ZBTB5: variants seen among roughly 807,000 people sequenced by gnomAD.
ZBTB5 encodes the protein zinc finger and BTB domain-containing protein 5.
ZBTB5 carries 15 observed loss-of-function variants against 37.9 expected under a neutral mutation model. The ratio of observed to expected loss-of-function variants is 0.40; its 90% confidence interval spans 0.26 to 0.61. The LOEUF (loss-of-function observed/expected upper bound fraction) is 0.61. Ranked by LOEUF, ZBTB5 falls within the 20% of genes least tolerant of loss-of-function variation. ZBTB5 has a pLI of 0.47. For missense variants in ZBTB5, 708 were observed against 856.8 expected (o/e 0.83, Z 2.17); for synonymous variants, 315 against 312.4 (o/e 1.01, Z -0.09).
At chr9:37,448,074 T>C (rs796334038) in intron 1 of ZBTB5, among the ~76,000 whole-genome samples, 2 of 152,088 alleles carry the variant, frequency 1.3e-5, no homozygotes, top group South Asian at 4.2e-4. Flanking sequence ...CAGGGGATCT[T>C]TGAAAAGAGG....
Position 37,440,936 on chromosome 9 carries a change from G to A in ZBTB5, c.1616C>T (p.Ala539Val). ...ASNFPYYRRI[A>V]PKMPVVTSVR... ...GGAAGTTACAACTGGCATTTTGGGA[G>A]CTATGCGGCGGTAGTAAGGAAAGTT... is the stretch of plus-strand genomic sequence containing the variant. Residue 539 changes from alanine to valine, a missense_variant, in exon 2 of 2, where the codon GCT (alanine) becomes GTT (valine). Physicochemically the swap from Ala to Val is moderately conservative, Grantham distance 64. This residue lies in a region of ZBTB5 where 639 missense variants were observed against 690.5 expected (regional missense o/e 0.93). Coordinates refer to ENST00000307750, the MANE Select transcript of ZBTB5 (RefSeq NM_014872.3). The A allele has an allele frequency of 1.9e-6, 3 of 1,614,224 alleles. No homozygotes were observed. The highest frequency in any genetic ancestry group is 2.5e-6 in the Non-Finnish European group (3 of 1,180,044).
chr9:37,448,176 C>G (rs925842853), intron 1 of ZBTB5, among the ~76,000 whole-genome samples: 6 of 151,734 alleles, frequency 4.0e-5, no homozygotes, highest in Admixed American at 1.3e-4. Context: ...CTTTTAACTT[C>G]CCATCAGCCT....
At position 37,453,313 on chromosome 9, in the gene ZBTB5, G is replaced by A. The variant is rs7865313; in HGVS notation, c.-4-10758C>T. Among the ~76,000 whole-genome samples, 164 of 151,716 alleles carry A rather than the reference G, an allele frequency of 1.1e-3. 1 individual carries two copies. The highest frequency in any genetic ancestry group is 3.5e-3 in the African/African-American group (144 of 41,368). The stretch of plus-strand genomic sequence containing the variant: ...AGCAATCCTCCCACCTCAGCCTCCC[G>A]TTGGCTGGGATTACAGGCACAGACC... On this transcript the variant is annotated intron_variant, in intron 1 of 1. Coordinates refer to ENST00000307750, the MANE Select transcript of ZBTB5 (RefSeq NM_014872.3).
chr9:37,448,991 C>A (rs1824047142), intron 1 of ZBTB5, among the ~76,000 whole-genome samples: 2 of 152,006 alleles, frequency 1.3e-5, no homozygotes, highest in Admixed American at 6.6e-5. Context: ...GTGCAGTGAG[C>A]CAAGATCACG....
chr9:37,456,659 A>G (rs1436208047), intron 1 of ZBTB5, among the ~76,000 whole-genome samples: 1 of 152,210 alleles, frequency 6.6e-6, no homozygotes, highest in Non-Finnish European at 1.5e-5. Context: ...TTTGAATAAG[A>G]AAAGGTATTA....
intron 1 of ZBTB5, among the ~76,000 whole-genome samples, chr9:37,451,339 G>C (rs1409117853): frequency 6.6e-6 from 1 of 152,094 alleles, no homozygotes; most frequent in African/African-American, 2.4e-5. Flanking sequence ...GGCCGAGGTG[G>C]GTGGATCACT....
chr9:37,444,633 G>A (rs1231772385), intron 1 of ZBTB5, among the ~76,000 whole-genome samples: 2 of 152,164 alleles, frequency 1.3e-5, no homozygotes, highest in African/African-American at 4.8e-5. Context: ...ATTGGCATTC[G>A]TCTTTGCCAC....
chr9:37,445,650 AAAAAAAG>A (rs1823962661), intron 1 of ZBTB5, among the ~76,000 whole-genome samples: 1 of 152,088 alleles, frequency 6.6e-6, no homozygotes, highest in Non-Finnish European at 1.5e-5. Flanking sequence ...TGTCAAAAAA[AAAAAAAG>A]AAAAAAGAAA....
Position 37,441,425 on chromosome 9 carries a change from T to C in ZBTB5, c.1127A>G (p.Asp376Gly), listed in dbSNP as rs757011157. The C allele has an allele frequency of 7.4e-6, 12 of 1,613,762 alleles. No individual in the cohort carries two copies. Among genetic ancestry groups the C allele is most frequent in the Non-Finnish European group, 9.3e-6 (11 of 1,179,978 alleles). The change falls in exon 2 of 2, where the codon GAT (aspartate) becomes GGT (glycine). Residue 376 changes from aspartate (D) to glycine (G), a missense_variant. Transcript: ENST00000307750. The stretch of plus-strand genomic sequence containing the variant: ...AGACTGGGGATCTGAAAAACTCCGA[T>C]CACTGCTTTCAGGGCTGAGGTCTAT... ...EKIDLSPESS[D>G]RSFSDPQSST... is the part of the protein sequence containing the mutation.
Position 37,440,245 on chromosome 9 carries a change from A to C in ZBTB5, c.*273T>G. The stretch of plus-strand genomic sequence containing the variant: ...CAATTTTTAAATTTTTAAATGTGCC[A>C]CTTTTAATATCAATTACAAACTACT... On this transcript the variant is annotated 3_prime_UTR_variant, in exon 2 of 2. Transcript: ENST00000307750. 2.5e-6 allele frequency: 1 copy of C among 408,042 alleles called. No homozygotes were observed. The highest frequency in any genetic ancestry group is 4.4e-5 in the South Asian group (1 of 22,956). The allele number at this position is 408,042 out of a possible 1,614,324, so 25.3% of individuals were successfully genotyped here. A position where few individuals can be genotyped will look rare whatever the true frequency, so the allele number is the denominator to read the frequency against.
In ZBTB5 at chr9:37,438,742, C is replaced by CCTAA. The variant is rs1235532070; in HGVS notation, c.*1772_*1775dup. 1 of 152,246 alleles carries CCTAA rather than the reference C, an allele frequency of 6.6e-6. No individual in the cohort carries two copies. The highest frequency in any genetic ancestry group is 2.4e-5 in the African/African-American group (1 of 41,450). The allele number at this position is 152,246 out of a possible 1,614,324, so 9.4% of individuals were successfully genotyped here. A position where few individuals can be genotyped will look rare whatever the true frequency, so the allele number is the denominator to read the frequency against. ...CATGTAAAGGGTGGATGGGGAGCCT[C>CCTAA]CTAACACCATGTCAACATGACTGCT... On this transcript the variant is annotated 3_prime_UTR_variant, in exon 2 of 2. Coordinates refer to ENST00000307750, the MANE Select transcript of ZBTB5 (RefSeq NM_014872.3).
At chr9:37,456,668 T>C (rs977256256) in intron 1 of ZBTB5, among the ~76,000 whole-genome samples, 1 of 152,200 alleles carries the variant, frequency 6.6e-6, no homozygotes, top group Non-Finnish European at 1.5e-5. Flanking sequence ...GAAAAGGTAT[T>C]AGTGCCCTAC....
intron 1 of ZBTB5, 37 bp from the exon 2 acceptor site, chr9:37,442,592 G>GA: frequency 6.6e-7 from 1 of 1,513,488 alleles, no homozygotes; most frequent in East Asian, 2.3e-5. Context: ...TTAAGACCTA[G>GA]AAAAGCTTCA....
chr9:37,463,562 T>G (rs1042825937), intron 1 of ZBTB5, among the ~76,000 whole-genome samples: 12 of 152,342 alleles, frequency 7.9e-5, no homozygotes, highest in Admixed American at 1.3e-4. Context: ...TTTTAAAGTC[T>G]CCAATTCGAT....
intron 1 of ZBTB5, among the ~76,000 whole-genome samples, chr9:37,447,599 A>G (rs964982165): frequency 5.9e-5 from 9 of 152,172 alleles, no homozygotes; most frequent in Admixed American, 1.3e-4. Context: ...TACAGGTATA[A>G]TAACAGTAAT....
intron 1 of ZBTB5, among the ~76,000 whole-genome samples, chr9:37,446,066 C>A (rs1823972636): frequency 6.6e-6 from 1 of 152,116 alleles, no homozygotes; most frequent in Non-Finnish European, 1.5e-5. Flanking sequence ...AAGATCGCTG[C>A]ACTGCACTGC....
At chr9:37,452,199 T>G (rs185223070) in intron 1 of ZBTB5, among the ~76,000 whole-genome samples, 39 of 152,370 alleles carry the variant, frequency 2.6e-4, no homozygotes, top group Middle Eastern at 3.4e-3. Flanking sequence ...AGGTCTGATA[T>G]CTTTCGCTGT....
chr9:37,461,224 C>G (rs1824287665), intron 1 of ZBTB5, among the ~76,000 whole-genome samples: 1 of 152,118 alleles, frequency 6.6e-6, no homozygotes, highest in South Asian at 2.1e-4. Context: ...TTTTGTTTTC[C>G]TGGTCTTCCT....
In ZBTB5 at chr9:37,439,392, T is replaced by C. The variant is rs1290337107; in HGVS notation, c.*1126A>G. ...CTACCATGTTTGGATTTCAAACAAC[T>C]TTAAACATTTGGTATCAGATTGGGG... On this transcript the variant is annotated 3_prime_UTR_variant, in exon 2 of 2. Coordinates refer to ENST00000307750, the MANE Select transcript of ZBTB5 (RefSeq NM_014872.3). The C allele has an allele frequency of 6.6e-6, 1 of 152,260 alleles. No individual in the cohort carries two copies. The highest frequency in any genetic ancestry group is 2.4e-5 in the African/African-American group (1 of 41,462). 9.4% of individuals were successfully genotyped at this position (152,260 alleles called of 1,614,324 possible).
Sources: allele counts gnomAD v4.1 joint callset (sites outside exome capture counted in the v4.1 genomes callset), GRCh38; gene constraint gnomAD v4.1.1; regional missense constraint gnomAD v4.1.1; transcripts MANE v1.5; gene names NCBI Gene and HGNC (gene_info 2026-07-23, HGNC 2026-07-21).